Variants in SLAIN2 observed in about 807,000 individuals in gnomAD.
SLAIN2 encodes the protein SLAIN family member 2.
In SLAIN2, 31 loss-of-function variants were observed where a neutral mutation model predicts 56.6. That is an observed-to-expected ratio of 0.55 (90% CI 0.41 to 0.74). The LOEUF is 0.74. Ranked by LOEUF, SLAIN2 falls within the 30% of genes least tolerant of loss-of-function variation. SLAIN2 has a pLI of 0.00. For synonymous variants in SLAIN2, 317 were observed against 284.9 expected (o/e 1.11, Z -1.13); for missense variants, 777 against 754.2 (o/e 1.03, Z -0.35).
At chr4:48,421,449 C>CTAAATAA (rs1717154879) in intron 7 of SLAIN2, among the ~76,000 whole-genome samples, 1 of 152,012 alleles carries the variant, frequency 6.6e-6, no homozygotes, top group Non-Finnish European at 1.5e-5. Flanking sequence ...TATCACTGTG[C>CTAAATAA]TAAATAAGTA....
intron 2 of SLAIN2, among the ~76,000 whole-genome samples, chr4:48,376,080 CATATCCTGTTTCTTGTATATATTCTATA>C (rs1197405969): frequency 6.6e-6 from 1 of 152,168 alleles, no homozygotes; most frequent in Non-Finnish European, 1.5e-5. Flanking sequence ...GAGAGAGCAC[CATATCCTGTTTCTTGTATATATTCTATA>C]AAGTGCTCTT....
chr4:48,420,411 G>T lies in SLAIN2; in HGVS notation c.1647G>T (p.Val549=), dbSNP rs552454825. The T allele has an allele frequency of 4.7e-5, 76 of 1,613,946 alleles. No individual in the cohort carries two copies. The South Asian group carries it at 4.8e-4, about 10-fold the overall frequency. ...PSAPSAGGIP[V]PRSKLAQPVR... ...CCCCTTCTGCTGGGGGCATACCAGT[G>T]CCTCGCAGCAAACTTGCACAGCCTG... is the stretch of plus-strand genomic sequence containing the variant. Residue 549 remains valine (V), a synonymous_variant, in exon 7 of 8, where the codon GTG becomes GTT. Transcript: ENST00000264313.
chr4:48,385,095 A>C (rs1313369131), intron 6 of SLAIN2, among the ~76,000 whole-genome samples: 2 of 152,200 alleles, frequency 1.3e-5, no homozygotes, highest in African/African-American at 2.4e-5. Context: ...ATCAGAGAGA[A>C]TCATACAGTA....
chr4:48,422,138 A>G lies in SLAIN2; in HGVS notation c.*61A>G. The G allele has an allele frequency of 7.3e-7, 1 of 1,366,716 alleles. No individual in the cohort carries two copies. Among genetic ancestry groups the G allele is most frequent in the Non-Finnish European group, 1.0e-6 (1 of 972,910 alleles). 84.7% of individuals were successfully genotyped at this position (1,366,716 alleles called of 1,614,324 possible). ...ATGGATACCCTTCACCAGGCTAAAAAACAACTTTTATATGCAGACTGTTCA... is the reference window on the plus strand; with the variant it reads ...ATGGATACCCTTCACCAGGCTAAAAGACAACTTTTATATGCAGACTGTTCA... On this transcript the variant is annotated 3_prime_UTR_variant, in exon 8 of 8. Coordinates refer to ENST00000264313, the MANE Select transcript of SLAIN2 (RefSeq NM_020846.2).
chr4:48,424,052 T>C lies in SLAIN2; in HGVS notation c.*1975T>C, dbSNP rs1426099344. 3 of 152,308 alleles carry C rather than the reference T, an allele frequency of 2.0e-5. No individual in the cohort carries two copies. Among genetic ancestry groups the C allele is most frequent in the East Asian group, 1.9e-4 (1 of 5,188 alleles). The allele number at this position is 152,308 out of a possible 1,614,324, so 9.4% of individuals were successfully genotyped here. ...GGAATTTTACCTATTATGAAACATA[T>C]TACATTTTTTAAGTTAGATAATCAG... is the stretch of plus-strand genomic sequence containing the variant. On this transcript the variant is annotated 3_prime_UTR_variant, in exon 8 of 8. Transcript: ENST00000264313.
intron 1 of SLAIN2, among the ~76,000 whole-genome samples, chr4:48,369,483 GC>G (rs1190403419): frequency 1.4e-4 from 22 of 152,126 alleles, no homozygotes; most frequent in African/African-American, 4.8e-4. Flanking sequence ...TAGGTGGAGA[GC>G]AAAGAATTTA....
chr4:48,404,613 C>T (rs1426017908), intron 6 of SLAIN2, among the ~76,000 whole-genome samples: 1 of 152,194 alleles, frequency 6.6e-6, no homozygotes, highest in Non-Finnish European at 1.5e-5. Flanking sequence ...TTGAGGTTCC[C>T]TCCAAACACA....
chr4:48,342,487 C>G (rs1276829757), intron 1 of SLAIN2, among the ~76,000 whole-genome samples: 1 of 152,032 alleles, frequency 6.6e-6, no homozygotes, highest in Non-Finnish European at 1.5e-5. Flanking sequence ...TACTGGCTTT[C>G]GGATGGTGGC....
At chr4:48,343,059 T>C (rs1001874426) in intron 1 of SLAIN2, among the ~76,000 whole-genome samples, 1 of 152,198 alleles carries the variant, frequency 6.6e-6, no homozygotes, top group African/African-American at 2.4e-5. Flanking sequence ...TTTCTTAAAG[T>C]TTTAACTTTT....
At chr4:48,383,590 T>C in intron 5 of SLAIN2, 57 bp from the exon 6 acceptor site, 1 of 1,412,710 alleles carries the variant, frequency 7.1e-7, no homozygotes, top group South Asian at 1.5e-5. Context: ...TAGTTAATAT[T>C]TTAATTTTCT....
intron 2 of SLAIN2, among the ~76,000 whole-genome samples, 183 bp from the exon 3 acceptor site, chr4:48,377,713 A>G (rs1299606301): frequency 2.6e-5 from 4 of 152,124 alleles, no homozygotes; most frequent in African/African-American, 9.7e-5. Flanking sequence ...TTATTTGCAT[A>G]CACAGTTTAA....
rs1333490615 is a variant in SLAIN2 at position 48,422,409 on chromosome 4, G to A, written c.*332G>A. 7 of 209,532 alleles carry A rather than the reference G, an allele frequency of 3.3e-5. No homozygotes were observed. The highest frequency in any genetic ancestry group is 4.8e-5 in the Non-Finnish European group (5 of 104,210). The allele number at this position is 209,532 out of a possible 1,614,324, so 13.0% of individuals were successfully genotyped here. A position where few individuals can be genotyped will look rare whatever the true frequency, so the allele number is the denominator to read the frequency against. ...GGATGCCAAAGAGAAATGCCCATTT[G>A]TAAATGAGAAAAATGCCCATTTGTG... On this transcript the variant is annotated 3_prime_UTR_variant, in exon 8 of 8. Transcript: ENST00000264313.
chr4:48,402,915 TTTG>T (rs1425610350), intron 6 of SLAIN2, among the ~76,000 whole-genome samples: 1 of 152,192 alleles, frequency 6.6e-6, no homozygotes, highest in Non-Finnish European at 1.5e-5. Context: ...TGCGGTCCTT[TTTG>T]TTGATGTTGT....
chr4:48,379,542 A>G (rs1015676758), intron 3 of SLAIN2, 148 bp from the exon 4 acceptor site: 17 of 639,252 alleles, frequency 2.7e-5, no homozygotes, highest in African/African-American at 9.5e-5. Context: ...AATGAGGTCA[A>G]TTTCTAATTT....
intron 1 of SLAIN2, among the ~76,000 whole-genome samples, chr4:48,358,401 C>T (rs1164753235): frequency 6.6e-6 from 1 of 151,342 alleles, no homozygotes; most frequent in Non-Finnish European, 1.5e-5. Flanking sequence ...CTCACCACAA[C>T]CTCCGCCTCC....
intron 6 of SLAIN2, chr4:48,394,640 A>G (rs1716331234): frequency 1.3e-6 from 2 of 1,535,836 alleles, no homozygotes; most frequent in Admixed American, 2.0e-5. Context: ...TTCAAACTTC[A>G]TCTACAAAAA....
chr4:48,383,451 T>C (rs2109763509), intron 5 of SLAIN2, among the ~76,000 whole-genome samples, 196 bp from the exon 6 acceptor site: 2 of 152,290 alleles, frequency 1.3e-5, no homozygotes, highest in Admixed American at 1.3e-4. Context: ...TATCTTTAAG[T>C]GTTCTCTTAT....
At chr4:48,343,147 A>G (rs143313978) in intron 1 of SLAIN2, among the ~76,000 whole-genome samples, 2 of 152,336 alleles carry the variant, frequency 1.3e-5, no homozygotes, top group East Asian at 1.9e-4. Context: ...CTGGTATTGC[A>G]GGGCTGGAAC....
At chr4:48,359,355 G>T (rs1715255341) in intron 1 of SLAIN2, among the ~76,000 whole-genome samples, 1 of 152,004 alleles carries the variant, frequency 6.6e-6, no homozygotes. Context: ...TGCATCTAAA[G>T]AAATTTATTT....
Sources: gnomAD v4.1 joint callset for allele counts (sites outside exome capture counted in the v4.1 genomes callset) on GRCh38, gnomAD v4.1.1 for gene constraint, MANE v1.5 for transcripts, NCBI Gene and HGNC (gene_info 2026-07-23, HGNC 2026-07-21) for gene names.